Variants in SGCZ observed in about 807,000 individuals in gnomAD.
The protein encoded by SGCZ is sarcoglycan zeta, also known as zeta-sarcoglycan.
In SGCZ, 40 loss-of-function variants were observed where a neutral mutation model predicts 41.3. The ratio of observed to expected loss-of-function variants is 0.97; its 90% CI spans 0.75 to 1.26. The LOEUF (loss-of-function observed/expected upper bound fraction) is 1.26. SGCZ is among the 50% of genes most tolerant of loss of function. SGCZ has a pLI of 0.00. For missense variants in SGCZ, 552 were observed against 369.8 expected (o/e 1.49, Z -4.04); for synonymous variants, 206 against 137.5 (o/e 1.50, Z -3.49).
intron 2 of SGCZ, among the ~76,000 whole-genome samples, chr8:14,456,264 C>T (rs1392483506): frequency 2.6e-5 from 4 of 152,118 alleles, no homozygotes; most frequent in Admixed American, 6.5e-5. Context: ...CAAAATTAGC[C>T]GGGTGTGGTG....
chr8:14,819,046 C>T (rs1371150286), intron 1 of SGCZ, among the ~76,000 whole-genome samples: 2 of 151,502 alleles, frequency 1.3e-5, no homozygotes, highest in Non-Finnish European at 2.9e-5. Flanking sequence ...ATTCAGGAAG[C>T]TCAAAGATCT....
chr8:14,149,425 A>G (rs1803626761), intron 5 of SGCZ, among the ~76,000 whole-genome samples: 1 of 152,132 alleles, frequency 6.6e-6, no homozygotes, highest in Admixed American at 6.5e-5. Context: ...CCCATTTACA[A>G]TAGCACACAT....
intron 2 of SGCZ, among the ~76,000 whole-genome samples, chr8:14,517,210 A>AG (rs5889536): frequency 0.057 from 8,711 of 152,116 alleles, 404 homozygotes; most frequent in Admixed American, 0.14. Context: ...AAACAAAAAA[A>AG]TGCCAAAACT....
chr8:14,752,411 T>C (rs1369356214), intron 1 of SGCZ, among the ~76,000 whole-genome samples: 1 of 152,202 alleles, frequency 6.6e-6, no homozygotes, highest in African/African-American at 2.4e-5. Flanking sequence ...TTCAAAAATA[T>C]CCTTTTATTT....
intron 3 of SGCZ, among the ~76,000 whole-genome samples, chr8:14,301,983 AATT>A: frequency 6.6e-6 from 1 of 152,220 alleles, no homozygotes; most frequent in Middle Eastern, 3.4e-3. Flanking sequence ...GTTTTCCCCC[AATT>A]ATTTAGAAAT....
rs139344636 is a variant in SGCZ at position 14,643,181 on chromosome 8, G to A, written c.40-88255C>T. On this transcript the variant is annotated intron_variant, in intron 1 of 7. Coordinates refer to ENST00000382080, the MANE Select transcript of SGCZ (RefSeq NM_139167.4). Reference sequence around the variant, plus strand: ...GGGAAAAAGAGTGGAAAGCAAGAAAGTATTTCCTGATTGGCATCACTGAAC... The same window carrying A: ...GGGAAAAAGAGTGGAAAGCAAGAAAATATTTCCTGATTGGCATCACTGAAC... Among the ~76,000 whole-genome samples the A allele has an allele frequency of 6.8e-3, 1,033 of 151,690 alleles. 8 individuals are homozygous for A. Among genetic ancestry groups the A allele is most frequent in the Non-Finnish European group, 0.011 (726 of 67,750 alleles).
At chr8:14,344,418 C>G (rs189554165) in intron 2 of SGCZ, among the ~76,000 whole-genome samples, 2 of 151,612 alleles carry the variant, frequency 1.3e-5, no homozygotes, top group East Asian at 3.9e-4. Context: ...AAATCAGTAA[C>G]TGAAAAAAAT....
At chr8:15,209,817 C>T (rs549170370) in intron 1 of SGCZ, among the ~76,000 whole-genome samples, 5 of 152,070 alleles carry the variant, frequency 3.3e-5, no homozygotes, top group Non-Finnish European at 7.4e-5. Context: ...GTAGGCTGTA[C>T]TTCTCCCAGC....
At chr8:14,747,291 T>C (rs1226658092) in intron 1 of SGCZ, among the ~76,000 whole-genome samples, 1 of 152,134 alleles carries the variant, frequency 6.6e-6, no homozygotes, top group Non-Finnish European at 1.5e-5. Flanking sequence ...TCTAAACTTG[T>C]AGCCTGAGAG....
At chr8:14,254,026 C>T (rs932036591) in intron 3 of SGCZ, among the ~76,000 whole-genome samples, 1 of 152,094 alleles carries the variant, frequency 6.6e-6, no homozygotes, top group African/African-American at 2.4e-5. Flanking sequence ...TAAAACAGTA[C>T]TTCTTCCAAA....
chr8:14,639,038 C>CTTTT lies in SGCZ; in HGVS notation c.40-84116_40-84113dup, dbSNP rs148778266. On this transcript the variant is annotated intron_variant, in intron 1 of 7. Transcript: ENST00000382080. ...AAATAATACACTAAGAAACTGGAAT[C>CTTTT]TTTTTTTTTTTTTTTTGTCTTTTTT... is the stretch of plus-strand genomic sequence containing the variant. Among the ~76,000 whole-genome samples the CTTTT allele has an allele frequency of 4.8e-3, 656 of 137,604 alleles. 13 individuals are homozygous for CTTTT. Among genetic ancestry groups the CTTTT allele is most frequent in the East Asian group, 0.028 (122 of 4,322 alleles). The allele number at this position is 137,604 out of a possible 152,430, so 90.3% of individuals were successfully genotyped here. A position where few individuals can be genotyped will look rare whatever the true frequency, so the allele number is the denominator to read the frequency against.
At chr8:14,249,315 T>A (rs1271358196) in intron 3 of SGCZ, among the ~76,000 whole-genome samples, 1 of 152,136 alleles carries the variant, frequency 6.6e-6, no homozygotes, top group Non-Finnish European at 1.5e-5. Flanking sequence ...TCATGTTTGG[T>A]TTAGCATGAT....
At chr8:14,551,473 T>TTATATATTA (rs1803817169) in intron 2 of SGCZ, among the ~76,000 whole-genome samples, 1 of 11,532 alleles carries the variant, frequency 8.7e-5, no homozygotes, top group African/African-American at 3.1e-4. Context: ...ATTATATATA[T>TTATATATTA]TATATATTAT....
chr8:14,799,171 CACTT>C (rs1236992496), intron 1 of SGCZ, among the ~76,000 whole-genome samples: 4 of 151,984 alleles, frequency 2.6e-5, no homozygotes, highest in South Asian at 2.1e-4. Flanking sequence ...AACAATAAGA[CACTT>C]ACTTTATAAA....
intron 1 of SGCZ, among the ~76,000 whole-genome samples, chr8:14,591,207 C>T (rs893495540): frequency 1.6e-4 from 24 of 151,724 alleles, no homozygotes; most frequent in African/African-American, 5.6e-4. Flanking sequence ...ATCAAATAAA[C>T]TACCTATAAA....
chr8:15,225,047 AG>A (rs779694776), intron 1 of SGCZ, among the ~76,000 whole-genome samples: 5 of 152,234 alleles, frequency 3.3e-5, no homozygotes, highest in Non-Finnish European at 5.9e-5. Context: ...CAAAATAGAA[AG>A]ATTATGAACA....
chr8:15,233,528 C>T (rs1802024938), intron 1 of SGCZ, among the ~76,000 whole-genome samples: 1 of 151,462 alleles, frequency 6.6e-6, no homozygotes, highest in South Asian at 2.1e-4. Flanking sequence ...TTTTAATGAC[C>T]TCATTATATT....
chr8:14,155,849 C>A (rs1803860787), intron 5 of SGCZ, among the ~76,000 whole-genome samples: 1 of 152,064 alleles, frequency 6.6e-6, no homozygotes, highest in Admixed American at 6.6e-5. Context: ...AAAAACCTGA[C>A]AAACCTAGGC....
intron 1 of SGCZ, among the ~76,000 whole-genome samples, chr8:15,166,286 C>T (rs545807309): frequency 5.5e-5 from 8 of 146,520 alleles, no homozygotes; most frequent in South Asian, 2.2e-4. Flanking sequence ...CTCGCTCTGT[C>T]GCCCAGGCTG....
Sources: gnomAD v4.1 joint callset for allele counts (sites outside exome capture counted in the v4.1 genomes callset) on GRCh38, gnomAD v4.1.1 for gene constraint, MANE v1.5 for transcripts, NCBI Gene and HGNC (gene_info 2026-07-23, HGNC 2026-07-21) for gene names.